ZNF430: variants seen among roughly 807,000 people sequenced by gnomAD.
ZNF430 encodes the protein zinc finger protein 430.
ZNF430 carries 35 observed loss-of-function variants against 56.7 expected under a neutral mutation model. The ratio of observed to expected loss-of-function variants is 0.62; its 90% CI spans 0.47 to 0.82. The LOEUF (loss-of-function observed/expected upper bound fraction) is 0.82. Ranked by LOEUF, ZNF430 falls within the 40% of genes least tolerant of loss-of-function variation. ZNF430 has a pLI of 0.00. For missense variants in ZNF430, 574 were observed against 661.0 expected (o/e 0.87, Z 1.44); for synonymous variants, 212 against 224.3 (o/e 0.94, Z 0.49).
rs1968436675 is a variant in ZNF430, at chr19:21,059,647, T to A, written c.*1626T>A. On this transcript the variant is annotated 3_prime_UTR_variant, in exon 5 of 5. Coordinates refer to ENST00000261560, the MANE Select transcript of ZNF430 (RefSeq NM_025189.4). ...TTGCAGAGTTATTACGTTTGAAGTA[T>A]ACTTTATTTCTTGAAAAAATTACAG... 6.6e-6 allele frequency: 1 copy of A among 152,066 alleles called. No homozygotes were observed. Among genetic ancestry groups the A allele is most frequent in the African/African-American group, 2.4e-5 (1 of 41,414 alleles). The allele number at this position is 152,066 out of a possible 1,614,324, so 9.4% of individuals were successfully genotyped here. A position where few individuals can be genotyped will look rare whatever the true frequency, so the allele number is the denominator to read the frequency against.
intron 4 of ZNF430, among the ~76,000 whole-genome samples, chr19:21,037,141 G>T (rs1427134131): frequency 1.4e-5 from 2 of 146,802 alleles, no homozygotes; most frequent in Non-Finnish European, 3.0e-5. Context: ...TTTTTGAGAC[G>T]GAGTCTCCTG....
chr19:21,033,770 T>C, intron 3 of ZNF430, 188 bp downstream of exon 3: 5 of 687,778 alleles, frequency 7.3e-6, no homozygotes, highest in Non-Finnish European at 1.1e-5. Flanking sequence ...ACTTAAACTT[T>C]CCACATTCCT....
Position 21,057,941 on chromosome 19 carries a change from G to A in ZNF430, c.1633G>A (p.Glu545Lys). The A allele has an allele frequency of 6.2e-7, 1 of 1,612,546 alleles. No individual in the cohort carries two copies. The highest frequency in any genetic ancestry group is 1.1e-5 in the South Asian group (1 of 90,888). Residue 545 changes from glutamate to lysine, a missense_variant, in exon 5 of 5, where the codon GAA becomes AAA. Glu to Lys is a moderately conservative substitution (Grantham distance 56, BLOSUM62 1). Coordinates refer to ENST00000261560, the MANE Select transcript of ZNF430 (RefSeq NM_025189.4). ...HTGEKPYNCE[E>K]YGKAFNQSSN... is the part of the protein sequence containing the mutation. ...TGGAGAGAAACCCTACAACTGTGAA[G>A]AATACGGCAAAGCTTTCAACCAGTC...
At chr19:21,029,177 C>G (rs577476365) in intron 2 of ZNF430, among the ~76,000 whole-genome samples, 1 of 152,292 alleles carries the variant, frequency 6.6e-6, no homozygotes, top group South Asian at 2.1e-4. Context: ...TATCCAGGAA[C>G]ATGTCTAGAC....
At position 21,027,773 on chromosome 19, in the gene ZNF430, C is replaced by A. The variant is rs73926913; in HGVS notation, c.96+4892C>A. On this transcript the variant is annotated intron_variant, in intron 2 of 4. Transcript: ENST00000261560. The stretch of plus-strand genomic sequence containing the variant: ...AGCTAGGAATTTGTCTGGTTCTTTG[C>A]TTTTTTTTGGCTAGTAGGCTATTTC... Among the ~76,000 whole-genome samples the A allele has an allele frequency of 2.0e-5, 3 of 151,388 alleles. No individual in the cohort carries two copies. The Admixed American group carries it at 2.0e-4, about 10-fold the overall frequency.
rs1376870929 is a variant in ZNF430, at chr19:21,058,095, T to A, written c.*74T>A. 1.5e-6 allele frequency: 2 copies of A among 1,360,408 alleles called. No homozygotes were observed. Among genetic ancestry groups the A allele is most frequent in the African/African-American group, 2.9e-5 (2 of 68,206 alleles). 84.3% of individuals were successfully genotyped at this position (1,360,408 alleles called of 1,614,324 possible). On this transcript the variant is annotated 3_prime_UTR_variant, in exon 5 of 5. Transcript: ENST00000261560. ...GAACATTCATACTGAAGAGGAACCC[T>A]ATGAGTGTGAAGAATATGGCAAAGC...
chr19:21,043,231 T>G (rs1318848100), intron 4 of ZNF430, among the ~76,000 whole-genome samples: 1 of 152,240 alleles, frequency 6.6e-6, no homozygotes, highest in Non-Finnish European at 1.5e-5. Flanking sequence ...TAGATTTTCT[T>G]CTAACGTTTT....
rs924633599 is a variant in ZNF430, at chr19:21,057,202, T to G, written c.894T>G (p.Phe298Leu). 6.2e-7 allele frequency: 1 copy of G among 1,613,830 alleles called. No individual in the cohort carries two copies. Among genetic ancestry groups the G allele is most frequent in the East Asian group, 2.2e-5 (1 of 44,860 alleles). ...PYRCEECGKT[F>L]NRSSHLTTHK... ...GATGTGAAGAATGTGGCAAAACCTT[T>G]AACCGGTCCTCACACCTTACTACAC... The change falls in exon 5 of 5, where the codon TTT becomes TTG. Residue 298 changes from phenylalanine (F) to leucine (L), a missense_variant. Coordinates refer to ENST00000261560, the MANE Select transcript of ZNF430 (RefSeq NM_025189.4).
chr19:21,050,269 T>C (rs1297890500), intron 4 of ZNF430, among the ~76,000 whole-genome samples: 1 of 152,210 alleles, frequency 6.6e-6, no homozygotes, highest in Non-Finnish European at 1.5e-5. Context: ...TATTTTTCTT[T>C]TGTTTTGCAA....
chr19:21,038,375 G>A (rs1280250898), intron 4 of ZNF430, among the ~76,000 whole-genome samples: 1 of 151,848 alleles, frequency 6.6e-6, no homozygotes, highest in Non-Finnish European at 1.5e-5. Flanking sequence ...TCTTTCATCT[G>A]TTCATCTGCC....
At position 21,058,147 on chromosome 19, in the gene ZNF430, G is replaced by T; in HGVS notation, c.*126G>T. 1 of 920,250 alleles carries T rather than the reference G, an allele frequency of 1.1e-6. No homozygotes were observed. 57.0% of individuals were successfully genotyped at this position (920,250 alleles called of 1,614,324 possible). A position where few individuals can be genotyped will look rare whatever the true frequency, so the allele number is the denominator to read the frequency against. Reference sequence around the variant, plus strand: ...TTCAACAAGTCCTCAATTCTTACCAGACATAAGATAATTCTGGCTGGGTGC... The same window carrying T: ...TTCAACAAGTCCTCAATTCTTACCATACATAAGATAATTCTGGCTGGGTGC... On this transcript the variant is annotated 3_prime_UTR_variant, in exon 5 of 5. Transcript: ENST00000261560.
chr19:21,040,249 C>A (rs901483515), intron 4 of ZNF430, among the ~76,000 whole-genome samples: 2 of 152,108 alleles, frequency 1.3e-5, no homozygotes, highest in Non-Finnish European at 2.9e-5. Flanking sequence ...TGCTGTTAAG[C>A]CTATTTGGTC....
rs373640671 is a variant in ZNF430 at position 21,057,186 on chromosome 19, A to G, written c.878A>G (p.Glu293Gly). 1.1e-4 allele frequency: 173 copies of G among 1,613,852 alleles called. No individual in the cohort carries two copies. Among genetic ancestry groups the G allele is most frequent in the Non-Finnish European group, 1.4e-4 (167 of 1,179,988 alleles). The change falls in exon 5 of 5, where the codon GAA (glutamate) becomes GGA (glycine). Residue 293 changes from glutamate (E) to glycine (G), a missense_variant. Physicochemically the swap from Glu to Gly is moderately conservative, Grantham distance 98 (BLOSUM62 -2). This residue lies in a region of ZNF430 where 346 missense variants were observed against 399.1 expected (regional missense o/e 0.87). Coordinates refer to ENST00000261560, the MANE Select transcript of ZNF430 (RefSeq NM_025189.4). ...HTGEKPYRCEECGKTFNRSSH... is the reference protein window; with the variant it reads ...HTGEKPYRCEGCGKTFNRSSH... ...GGAGAGAAACCCTACAGATGTGAAG[A>G]ATGTGGCAAAACCTTTAACCGGTCC...
At chr19:21,038,522 G>C (rs1968044642) in intron 4 of ZNF430, among the ~76,000 whole-genome samples, 1 of 152,130 alleles carries the variant, frequency 6.6e-6, no homozygotes, top group Non-Finnish European at 1.5e-5. Context: ...CCTCCTCCTG[G>C]GTTTCAGCGA....
chr19:21,052,587 T>TGAGA (rs1968301133), intron 4 of ZNF430, among the ~76,000 whole-genome samples: 2 of 152,028 alleles, frequency 1.3e-5, no homozygotes, highest in Non-Finnish European at 2.9e-5. Context: ...CTCTTTGCAG[T>TGAGA]TTTGACCTAA....
At chr19:21,028,120 C>T (rs1967836917) in intron 2 of ZNF430, among the ~76,000 whole-genome samples, 4 of 152,106 alleles carry the variant, frequency 2.6e-5, no homozygotes. Context: ...AGGACACGGC[C>T]AGACTTTAGG....
chr19:21,057,922 GA>G lies in ZNF430; in HGVS notation c.1617del (p.Lys539AsnfsTer43). The G allele has an allele frequency of 1.2e-6, 2 of 1,613,526 alleles. No individual in the cohort carries two copies. The highest frequency in any genetic ancestry group is 1.7e-6 in the Non-Finnish European group (2 of 1,179,836). ...TKHKVIHTGE[K>X]PYNCEEYGKA... is the part of the protein sequence containing the mutation. ...AACATAAGGTAATTCATACTGGAGAGAAACCCTACAACTGTGAAGAATACGG... is the reference window on the plus strand; with the variant it reads ...AACATAAGGTAATTCATACTGGAGAGAACCCTACAACTGTGAAGAATACGG... On this transcript the variant is annotated frameshift_variant, in exon 5 of 5. Coordinates refer to ENST00000261560, the MANE Select transcript of ZNF430 (RefSeq NM_025189.4). LOFTEE classifies it high-confidence loss of function.
intron 2 of ZNF430, among the ~76,000 whole-genome samples, chr19:21,023,735 A>G (rs1216089700): frequency 1.3e-5 from 2 of 152,194 alleles, no homozygotes; most frequent in Admixed American, 1.3e-4. Flanking sequence ...CTCTCTCTGC[A>G]GGGTAAATTT....
Position 21,047,239 on chromosome 19 carries a change from T to C in ZNF430, c.323-9392T>C, listed in dbSNP as rs539999705. 2.0e-5 allele frequency among the ~76,000 whole-genome samples: 3 copies of C among 152,302 alleles called. No homozygotes were observed. The South Asian group carries it at 6.2e-4, about 32-fold the overall frequency. On this transcript the variant is annotated intron_variant, in intron 4 of 4. Transcript: ENST00000261560. ...GTTTTGGTTAACAGCTCCTGTAATG[T>C]TTTTCATGGTTCTTAGCTTCTTTGC...
Sources: allele counts gnomAD v4.1 joint callset (sites outside exome capture counted in the v4.1 genomes callset), GRCh38; gene constraint gnomAD v4.1.1; regional missense constraint gnomAD v4.1.1; transcripts MANE v1.5; gene names NCBI Gene and HGNC (gene_info 2026-07-23, HGNC 2026-07-21).